The following COL9A2 variants were observed in gnomAD, a reference collection of about 807,000 sequenced individuals.
The protein encoded by COL9A2 is collagen type IX alpha 2 chain.
In COL9A2, 66 loss-of-function variants were observed where a neutral mutation model predicts 111.6. The ratio of observed to expected loss-of-function variants is 0.59; its 90% CI spans 0.48 to 0.73. The LOEUF is 0.73. COL9A2 is among the 30% of genes least tolerant of loss of function. The pLI, the probability that COL9A2 is intolerant of heterozygous loss-of-function variation, is 0.00. For synonymous variants in COL9A2, 353 were observed against 364.1 expected (o/e 0.97, Z 0.35); for missense variants, 881 against 954.1 (o/e 0.92, Z 1.01).
intron 22 of COL9A2, 59 bp downstream of exon 22, chr1:40,304,735 C>G (rs988506367): frequency 1.4e-6 from 2 of 1,465,478 alleles, no homozygotes; most frequent in Admixed American, 2.0e-5. Context: ...GATGCTGTAT[C>G]CAGCAGTGCC....
rs1644219278 is a variant in COL9A2, at chr1:40,316,385, AATGC to A, written c.76-725_76-722del. On this transcript the variant is annotated intron_variant, in intron 1 of 31. Coordinates refer to ENST00000372748, the MANE Select transcript of COL9A2 (RefSeq NM_001852.4). The surrounding 1 kb of genome is among the most constrained non-coding windows in gnomAD (Gnocchi z 5.5). Reference sequence around the variant, plus strand: ...TCTGGATCCCGTTTGCCTGCAATTCAATGCCCCTGGGTGGGTGTGAGGTTTCAGG... The same window carrying A: ...TCTGGATCCCGTTTGCCTGCAATTCACCCTGGGTGGGTGTGAGGTTTCAGG... 6.6e-6 allele frequency among the ~76,000 whole-genome samples: 1 copy of A among 152,160 alleles called. No homozygotes were observed. The highest frequency in any genetic ancestry group is 1.9e-4 in the East Asian group (1 of 5,182).
rs772819107 is a variant in COL9A2, at chr1:40,314,154, AG to A, written c.249+50del. 45 of 1,586,910 alleles carry A rather than the reference AG, an allele frequency of 2.8e-5. No individual in the cohort carries two copies. The highest frequency in any genetic ancestry group is 3.8e-5 in the Non-Finnish European group (44 of 1,155,880). On this transcript the variant is annotated intron_variant, in intron 4 of 31. Transcript: ENST00000372748. The surrounding 1 kb of genome is among the most constrained non-coding windows in gnomAD (Gnocchi z 4.1). ...TGAAGATGCCAGAGCCAGGCCCTGGAGGTCAATTGGCAGAGCCCTACCCTGC... is the reference window on the plus strand; with the variant it reads ...TGAAGATGCCAGAGCCAGGCCCTGGAGTCAATTGGCAGAGCCCTACCCTGC...
chr1:40,315,750 G>A (rs1644209531), intron 1 of COL9A2, 86 bp from the exon 2 acceptor site: 1 of 890,810 alleles, frequency 1.1e-6, no homozygotes, highest in South Asian at 1.7e-5. Flanking sequence ...CTGGGAGCGG[G>A]GTCCTAGGGG....
At position 40,307,443 on chromosome 1, in the gene COL9A2, T is replaced by TA; in HGVS notation, c.1008+2dup. 1 of 1,613,912 alleles carries TA rather than the reference T, an allele frequency of 6.2e-7. No homozygotes were observed. The highest frequency in any genetic ancestry group is 8.5e-7 in the Non-Finnish European group (1 of 1,179,934). ...AGCCCCTGTGGCTCCACCTGACACT[T>TA]ACCGCTAGGCCCTGGTGGCCTGGAC... On this transcript the variant is annotated splice_region_variant and intron_variant, in intron 19 of 31. Transcript: ENST00000372748. This position sits in a 1 kb window ranked among gnomAD's most constrained non-coding sequence, Gnocchi z 4.8.
chr1:40,305,884 G>A, intron 20 of COL9A2, 116 bp from the exon 21 acceptor site: 2 of 939,382 alleles, frequency 2.1e-6, no homozygotes, highest in South Asian at 2.7e-5. Context: ...ACGGGGGAGA[G>A]GGTATTCTTG....
chr1:40,307,732 C>T lies in COL9A2; in HGVS notation c.925G>A (p.Asp309Asn). The T allele has an allele frequency of 6.2e-7, 1 of 1,614,176 alleles. No homozygotes were observed. The highest frequency in any genetic ancestry group is 8.5e-7 in the Non-Finnish European group (1 of 1,180,022). Residue 309 changes from aspartate to asparagine, a missense_variant, in exon 18 of 32, where the codon GAT (aspartate) becomes AAT (asparagine). Asp to Asn is a conservative substitution (Grantham distance 23). Coordinates refer to ENST00000372748, the MANE Select transcript of COL9A2 (RefSeq NM_001852.4). The surrounding 1 kb of genome is among the most constrained non-coding windows in gnomAD (Gnocchi z 4.8). The part of the protein sequence containing the change: ...ATGPPGINGK[D>N]GTPGTPGMKG... ...ATGCCAGGCGTGCCTGGGGTCCCAT[C>T]CTTGCCGTTGATGCCTGGGGGGCCC...
In COL9A2 at chr1:40,316,531, G is replaced by T. The variant is rs1451045641; in HGVS notation, c.75+592C>A. On this transcript the variant is annotated intron_variant, in intron 1 of 31. Transcript: ENST00000372748. This position sits in a 1 kb window ranked among gnomAD's most constrained non-coding sequence, Gnocchi z 5.5. ...GGCGGCCCTTTTAAGAGGCCAGCTC[G>T]GACCCAGGCAGGGGTCCCGGTGCCC... 1 of 446,576 alleles carries T rather than the reference G, an allele frequency of 2.2e-6. No homozygotes were observed. The highest frequency in any genetic ancestry group is 7.5e-5 in the East Asian group (1 of 13,356). 27.7% of individuals were successfully genotyped at this position (446,576 alleles called of 1,614,324 possible). A position where few individuals can be genotyped will look rare whatever the true frequency, so the allele number is the denominator to read the frequency against.
At position 40,307,638 on chromosome 1, in the gene COL9A2, G is replaced by A. The variant is rs1644050990; in HGVS notation, c.954+65C>T. The A allele has an allele frequency of 6.2e-7, 1 of 1,600,156 alleles. No individual in the cohort carries two copies. The highest frequency in any genetic ancestry group is 1.1e-5 in the South Asian group (1 of 89,930). ...ATGACCTGAGGACCCCAGGCTCTTG[G>A]TGTCTAGAATCCAGGACTCAAGGTC... On this transcript the variant is annotated intron_variant, in intron 18 of 31. Transcript: ENST00000372748. This position sits in a 1 kb window ranked among gnomAD's most constrained non-coding sequence, Gnocchi z 4.8.
At chr1:40,315,919 A>AAGG in intron 1 of COL9A2, 1 of 443,996 alleles carries the variant, frequency 2.3e-6, no homozygotes, top group Non-Finnish European at 4.0e-6. Context: ...TCAGAACGTG[A>AAGG]AGGGTCCATG....
chr1:40,304,595 C>T (rs1474383951), intron 22 of COL9A2, 66 bp from the exon 23 acceptor site: 15 of 1,581,962 alleles, frequency 9.5e-6, no homozygotes, highest in Non-Finnish European at 1.2e-5. Context: ...CGCACCGAGG[C>T]CTGGCACCGC....
Position 40,301,190 on chromosome 1 carries a change from C to G in COL9A2, c.2062G>C (p.Gly688Arg). Residue 688 changes from glycine (G) to arginine (R), a missense_variant, in exon 32 of 32, where the codon GGG (glycine) becomes CGG (arginine). By Grantham distance (125) the Gly-to-Arg change is moderately radical (BLOSUM62 -2). Transcript: ENST00000372748. ...ARLTEPGSIKGP is the reference protein window; with the variant it reads ...ARLTEPGSIKRP ...CTGTCTGGGCCTGATGCTCAAGGCCCCTTGATGGATCCAGGCTCTGTAAGG... is the reference window on the plus strand; with the variant it reads ...CTGTCTGGGCCTGATGCTCAAGGCCGCTTGATGGATCCAGGCTCTGTAAGG... 6.2e-7 allele frequency: 1 copy of G among 1,613,500 alleles called. No homozygotes were observed. Among genetic ancestry groups the G allele is most frequent in the Non-Finnish European group, 8.5e-7 (1 of 1,180,022 alleles).
In COL9A2 at chr1:40,303,786, C is replaced by G; in HGVS notation, c.1401+21G>C. ...GTGGCCGCCCAGGAAAGTCGGAGAACGCCGGGAGGGGAGGACTCACCTGTC... is the reference window on the plus strand; with the variant it reads ...GTGGCCGCCCAGGAAAGTCGGAGAAGGCCGGGAGGGGAGGACTCACCTGTC... On this transcript the variant is annotated intron_variant, in intron 27 of 31. Transcript: ENST00000372748. This position sits in a 1 kb window ranked among gnomAD's most constrained non-coding sequence, Gnocchi z 4.6. 1 of 1,549,854 alleles carries G rather than the reference C, an allele frequency of 6.5e-7. No individual in the cohort carries two copies. Among genetic ancestry groups the G allele is most frequent in the South Asian group, 1.2e-5 (1 of 84,372 alleles).
Position 40,310,376 on chromosome 1 carries a change from G to T in COL9A2, c.685-59C>A. ...TGCAAGGCCCACTTCATGATACCTTGTCTGATGCCCACCTTCAATCTTACA... is the reference window on the plus strand; with the variant it reads ...TGCAAGGCCCACTTCATGATACCTTTTCTGATGCCCACCTTCAATCTTACA... On this transcript the variant is annotated intron_variant, in intron 13 of 31. Transcript: ENST00000372748. This position sits in a 1 kb window ranked among gnomAD's most constrained non-coding sequence, Gnocchi z 4.9. 6.5e-7 allele frequency: 1 copy of T among 1,533,040 alleles called. No homozygotes were observed. Among genetic ancestry groups the T allele is most frequent in the Non-Finnish European group, 9.0e-7 (1 of 1,107,710 alleles). 95.0% of individuals were successfully genotyped at this position (1,533,040 alleles called of 1,614,324 possible).
chr1:40,304,133 CTCCCCCCTCCACGGGG>C, intron 24 of COL9A2, 34 bp from the exon 25 acceptor site: 1 of 1,532,786 alleles, frequency 6.5e-7, no homozygotes, highest in Admixed American at 2.0e-5. Flanking sequence ...GTTTGGCGAG[CTCCCCCCTCCACGGGG>C]TCCCCCACCT....
chr1:40,305,331 A>G (rs1336415537), intron 21 of COL9A2, among the ~76,000 whole-genome samples: 1 of 152,120 alleles, frequency 6.6e-6, no homozygotes, highest in Non-Finnish European at 1.5e-5. Flanking sequence ...CTGGGATTAC[A>G]GGCGTGAGCC....
In COL9A2 at chr1:40,301,350, G is replaced by C. The variant is rs781428852; in HGVS notation, c.1902C>G (p.Asn634Lys). 3.6e-5 allele frequency: 58 copies of C among 1,608,972 alleles called. No homozygotes were observed. Among genetic ancestry groups the C allele is most frequent in the Non-Finnish European group, 4.5e-5 (53 of 1,176,644 alleles). The change falls in exon 32 of 32, where the codon AAC becomes AAG. Residue 634 changes from asparagine to lysine, a missense_variant. Asn to Lys is a moderately conservative substitution (Grantham distance 94). Coordinates refer to ENST00000372748, the MANE Select transcript of COL9A2 (RefSeq NM_001852.4). Reference sequence around the variant, plus strand: ...GGGACCCTCGATCTCCATCCTTGCCGTTGATTGCCTGGCCAGGCCGGCCAG... The same window carrying C: ...GGGACCCTCGATCTCCATCCTTGCCCTTGATTGCCTGGCCAGGCCGGCCAG... ...GLPGRPGQAI[N>K]GKDGDRGSPG...
chr1:40,314,904 C>A lies in COL9A2; in HGVS notation c.151-517G>T, dbSNP rs1162369303. 2.0e-5 allele frequency among the ~76,000 whole-genome samples: 3 copies of A among 152,052 alleles called. No individual in the cohort carries two copies. The highest frequency in any genetic ancestry group is 6.5e-5 in the Admixed American group (1 of 15,272). On this transcript the variant is annotated intron_variant, in intron 2 of 31. Coordinates refer to ENST00000372748, the MANE Select transcript of COL9A2 (RefSeq NM_001852.4). The surrounding 1 kb of genome is among the most constrained non-coding windows in gnomAD (Gnocchi z 4.1). ...GGAGGGAAGGACCTCCTTCCAGTGC[C>A]AAAGGACCCTTGGTGGTGGGCAGGC... is the stretch of plus-strand genomic sequence containing the variant.
rs1557798805 is a variant in COL9A2, at chr1:40,308,265, C to T, written c.847-20G>A. On this transcript the variant is annotated intron_variant, in intron 16 of 31. Transcript: ENST00000372748. ...GCTGCCCTGCAAAGCGGAGAGAGATCAGGTCACCCTCAGGATGTTGGGCCC... is the reference window on the plus strand; with the variant it reads ...GCTGCCCTGCAAAGCGGAGAGAGATTAGGTCACCCTCAGGATGTTGGGCCC... 6.2e-7 allele frequency: 1 copy of T among 1,612,230 alleles called. No homozygotes were observed. Among genetic ancestry groups the T allele is most frequent in the Non-Finnish European group, 8.5e-7 (1 of 1,179,154 alleles).
At position 40,307,853 on chromosome 1, in the gene COL9A2, G is replaced by A; in HGVS notation, c.901-97C>T. 1 of 1,328,564 alleles carries A rather than the reference G, an allele frequency of 7.5e-7. No individual in the cohort carries two copies. Among genetic ancestry groups the A allele is most frequent in the Non-Finnish European group, 1.1e-6 (1 of 933,350 alleles). The allele number at this position is 1,328,564 out of a possible 1,614,324, so 82.3% of individuals were successfully genotyped here. A position where few individuals can be genotyped will look rare whatever the true frequency, so the allele number is the denominator to read the frequency against. ...CCTCTGAGACAGCTGCAGTGTGCAG[G>A]GAGGGAGTGGCTCTGGTCATCCCAG... is the stretch of plus-strand genomic sequence containing the variant. On this transcript the variant is annotated intron_variant, in intron 17 of 31. Transcript: ENST00000372748. The surrounding 1 kb of genome is among the most constrained non-coding windows in gnomAD (Gnocchi z 4.8).
Sources: allele counts gnomAD v4.1 joint callset (sites outside exome capture counted in the v4.1 genomes callset), GRCh38; gene constraint gnomAD v4.1.1; non-coding constraint Gnocchi (gnomAD v3.1); transcripts MANE v1.5; gene names NCBI Gene and HGNC (gene_info 2026-07-23, HGNC 2026-07-21).